Variants in ATP7B observed in about 807,000 individuals in gnomAD.
ATP7B encodes ATPase copper transporting beta.
A neutral mutation model predicts 118.9 loss-of-function variants in ATP7B; 113 were observed. The observed-to-expected ratio is 0.95, with a 90% CI of 0.82 to 1.11. The LOEUF (loss-of-function observed/expected upper bound fraction) is 1.11. ATP7B is among the 50% of genes most tolerant of loss of function. The pLI is 0.00. For synonymous variants in ATP7B, 777 were observed against 727.4 expected, an observed-to-expected ratio of 1.07 and a Z score of -1.10; for missense variants, 1,867 against 1,871.4, an observed-to-expected ratio of 1.00 and a Z score of 0.04.
intron 8 of ATP7B, 98 bp from the exon 9 acceptor site, chr13:51,957,705 C>A (rs1593723376): frequency 4.2e-6 from 5 of 1,200,510 alleles, no homozygotes; most frequent in Non-Finnish European, 4.9e-6. Flanking sequence ...ACAGCTGGTG[C>A]GAGAGAAACA....
At chr13:51,995,551 C>T (rs1383032619) in intron 1 of ATP7B, among the ~76,000 whole-genome samples, 4 of 152,196 alleles carry the variant, frequency 2.6e-5, no homozygotes, top group East Asian at 1.9e-4. Flanking sequence ...CTTTCTCTAT[C>T]GCTGAGTTCA....
intron 1 of ATP7B, among the ~76,000 whole-genome samples, chr13:51,991,826 C>T (rs780428901): frequency 4.6e-5 from 7 of 152,166 alleles, no homozygotes; most frequent in African/African-American, 7.2e-5. Flanking sequence ...GGTTAGCGTG[C>T]TCTTATGGAG....
chr13:51,950,534 A>G, intron 9 of ATP7B, 135 bp from the exon 10 acceptor site: 1 of 1,357,734 alleles, frequency 7.4e-7, no homozygotes, highest in African/African-American at 1.4e-5. Context: ...GTTCATTTAC[A>G]GATATTTATC....
upstream of ATP7B, chr13:52,011,481 CAG>C (rs1954036115): frequency 1.0e-6 from 1 of 976,202 alleles, no homozygotes; most frequent in Admixed American, 2.0e-5. Flanking sequence ...CTAAAGCAAA[CAG>C]GGGTCCGGGA....
rs537030027 is a variant in ATP7B at position 52,009,216 on chromosome 13, T to C, written c.51+2071A>G. Among the ~76,000 whole-genome samples, 5 of 152,330 alleles carry C rather than the reference T, an allele frequency of 3.3e-5. No homozygotes were observed. In the East Asian group the frequency reaches 9.6e-4, roughly 29 times the overall value. The stretch of plus-strand genomic sequence containing the variant: ...CAGACTTATTGGAAATATTTTGAGA[T>C]GGCCGTTCAGAGGGCCTACAGACAA... On this transcript the variant is annotated intron_variant, in intron 1 of 20. Coordinates refer to ENST00000242839, the MANE Select transcript of ATP7B (RefSeq NM_000053.4).
rs1443943141 is a variant in ATP7B, at chr13:51,939,273, T to C, written c.3557-80A>G. The stretch of plus-strand genomic sequence containing the variant: ...AGATACCACACTTGCAATGTTCTCA[T>C]CATATAATATTATGTGCAAAAAACA... On this transcript the variant is annotated intron_variant, in intron 16 of 20. Coordinates refer to ENST00000242839, the MANE Select transcript of ATP7B (RefSeq NM_000053.4). 3.2e-6 allele frequency: 5 copies of C among 1,586,916 alleles called. No individual in the cohort carries two copies. In the East Asian group the frequency reaches 9.0e-5, roughly 29 times the overall value.
rs1177144141 is a variant in ATP7B at position 51,937,616 on chromosome 13, G to A, written c.3763C>T (p.Leu1255Phe). Residue 1255 changes from leucine to phenylalanine, a missense_variant, in exon 18 of 21, where the codon CTC (leucine) becomes TTC (phenylalanine). Physicochemically the swap from Leu to Phe is conservative, Grantham distance 22. Transcript: ENST00000242839. ...PSHKVAKVQELQNKGKKVAMV... is the reference protein window; with the variant it reads ...PSHKVAKVQEFQNKGKKVAMV... ...GCGACTTTCTTCCCTTTATTCTGGAGCTCCTGGACCTTGGCCACCTTGTGC... is the reference window on the plus strand; with the variant it reads ...GCGACTTTCTTCCCTTTATTCTGGAACTCCTGGACCTTGGCCACCTTGTGC... The A allele has an allele frequency of 1.2e-6, 2 of 1,614,258 alleles. No homozygotes were observed. Among genetic ancestry groups the A allele is most frequent in the South Asian group, 1.1e-5 (1 of 91,086 alleles).
chr13:51,966,896 T>A (rs1202274761), intron 4 of ATP7B: 1 of 1,612,716 alleles, frequency 6.2e-7, no homozygotes, highest in African/African-American at 1.3e-5. Flanking sequence ...GGCAGAAACC[T>A]CACCACAAAA....
intron 1 of ATP7B, among the ~76,000 whole-genome samples, chr13:52,009,554 C>A (rs1953928446): frequency 6.6e-6 from 1 of 152,220 alleles, no homozygotes; most frequent in Non-Finnish European, 1.5e-5. Flanking sequence ...TGGCAACCAC[C>A]TTGCCTTCCT....
intron 12 of ATP7B, among the ~76,000 whole-genome samples, chr13:51,947,581 T>G (rs1019767878): frequency 1.3e-5 from 2 of 152,224 alleles, no homozygotes; most frequent in Non-Finnish European, 2.9e-5. Flanking sequence ...TTTTATTATT[T>G]CACTCTGAAA....
intron 5 of ATP7B, among the ~76,000 whole-genome samples, chr13:51,962,969 GT>G (rs1210638702): frequency 6.6e-6 from 1 of 152,046 alleles, no homozygotes; most frequent in Non-Finnish European, 1.5e-5. Flanking sequence ...GTGCATACCT[GT>G]AATCCCAGCT....
chr13:51,978,605 A>G (rs1292827102), intron 1 of ATP7B, among the ~76,000 whole-genome samples: 1 of 152,180 alleles, frequency 6.6e-6, no homozygotes, highest in Non-Finnish European at 1.5e-5. Flanking sequence ...ATGTCCATCA[A>G]TAAGAGGCTA....
chr13:52,002,830 T>C (rs1953576572), intron 1 of ATP7B, among the ~76,000 whole-genome samples: 1 of 152,172 alleles, frequency 6.6e-6, no homozygotes, highest in Admixed American at 6.5e-5. Flanking sequence ...GTCTATCAAG[T>C]GTGCAATAGC....
chr13:51,975,159 T>TAGATAAGATCTAAAAAGAAA lies in ATP7B; in HGVS notation c.52-11_60dup (p.Lys21PhefsTer20). On this transcript the variant is annotated frameshift_variant, in exon 2 of 21. Transcript: ENST00000242839. LOFTEE classifies it high-confidence loss of function. ...CAGGCACGGGTAGGCAAAGAAAGCT[T>TAGATAAGATCTAAAAAGAAA]AGATAAGATCTAAAAAGAAAAGAAA... The TAGATAAGATCTAAAAAGAAA allele has an allele frequency of 6.2e-7, 1 of 1,614,202 alleles. No homozygotes were observed. The highest frequency in any genetic ancestry group is 1.1e-5 in the South Asian group (1 of 91,080).
chr13:51,935,707 A>G lies in ATP7B; in HGVS notation c.4022-12T>C. 6.2e-7 allele frequency: 1 copy of G among 1,606,972 alleles called. No homozygotes were observed. Among genetic ancestry groups the G allele is most frequent in the Non-Finnish European group, 8.5e-7 (1 of 1,176,822 alleles). ...GGGCATGAAGACACCTGGGGAAGAA[A>G]GAACTCGCACTCACACCTAGGTCTG... On this transcript the variant is annotated splice_polypyrimidine_tract_variant and intron_variant, in intron 19 of 20. Coordinates refer to ENST00000242839, the MANE Select transcript of ATP7B (RefSeq NM_000053.4).
Position 51,935,003 on chromosome 13 carries a change from T to TA in ATP7B, c.4150dup (p.Tyr1384LeufsTer2), listed in dbSNP as rs1555282316. On this transcript the variant is annotated frameshift_variant, in exon 21 of 21. Transcript: ENST00000242839. LOFTEE classifies it high-confidence loss of function. ...CATGTGGCCATGCGCCTGTGCCTCA[T>TA]ACCTCTCCAGGTCAGGCTTCTTATA... The TA allele has an allele frequency of 6.2e-7, 1 of 1,613,884 alleles. No homozygotes were observed. Among genetic ancestry groups the TA allele is most frequent in the Admixed American group, 1.7e-5 (1 of 59,996 alleles).
Position 52,002,041 on chromosome 13 carries a change from G to T in ATP7B, c.51+9246C>A, listed in dbSNP as rs776163000. Among the ~76,000 whole-genome samples the T allele has an allele frequency of 2.6e-4, 39 of 152,008 alleles. 1 individual carries two copies. Among genetic ancestry groups the T allele is most frequent in the Admixed American group, 6.6e-5 (1 of 15,266 alleles). On this transcript the variant is annotated intron_variant, in intron 1 of 20. Transcript: ENST00000242839. Reference sequence around the variant, plus strand: ...TCGAACTCCTGAGCTCAAGCAATCCGCCTACTTTGGCCTCCCAAAGTGCTG... The same window carrying T: ...TCGAACTCCTGAGCTCAAGCAATCCTCCTACTTTGGCCTCCCAAAGTGCTG...
rs201874048 is a variant in ATP7B at position 51,974,038 on chromosome 13, C to G, written c.1182G>C (p.Leu394Phe). 2.2e-5 allele frequency: 36 copies of G among 1,614,084 alleles called. No individual in the cohort carries two copies. The highest frequency in any genetic ancestry group is 2.7e-5 in the Non-Finnish European group (32 of 1,180,052). The part of the protein sequence containing the change: ...LEGVQQISVS[L>F]AEGTATVLYN... ...AAAGAACTGTTGCAGTCCCTTCGGC[C>G]AAAGACACCGATATTTGCTGCACCC... Residue 394 changes from leucine (L) to phenylalanine (F), a missense_variant, in exon 2 of 21, where the codon TTG becomes TTC. Physicochemically the swap from Leu to Phe is conservative, Grantham distance 22. Coordinates refer to ENST00000242839, the MANE Select transcript of ATP7B (RefSeq NM_000053.4).
chr13:51,985,989 C>A (rs899685850), intron 1 of ATP7B, among the ~76,000 whole-genome samples: 24 of 152,098 alleles, frequency 1.6e-4, no homozygotes, highest in African/African-American at 5.5e-4. Flanking sequence ...CACCCTAACA[C>A]CACAATTAAA....
Sources: allele counts gnomAD v4.1 joint callset (sites outside exome capture counted in the v4.1 genomes callset), GRCh38; gene constraint gnomAD v4.1.1; transcripts MANE v1.5; gene names NCBI Gene and HGNC (gene_info 2026-07-23, HGNC 2026-07-21).